CHPF2: variants seen among roughly 807,000 people sequenced by gnomAD.
CHPF2 encodes the protein chondroitin polymerizing factor 2, non-catalytic subunit.
A neutral mutation model predicts 63.0 loss-of-function variants in CHPF2; 58 were observed. That is an observed-to-expected ratio of 0.92 (90% CI 0.75 to 1.15). The LOEUF (loss-of-function observed/expected upper bound fraction) is 1.15. CHPF2 is among the 50% of genes most tolerant of loss of function. The pLI is 0.00. For missense variants in CHPF2, 1,045 were observed against 1,035.4 expected, an observed-to-expected ratio of 1.01 and a Z score of -0.13; for synonymous variants, 442 against 438.0, an observed-to-expected ratio of 1.01 and a Z score of -0.11.
Position 151,235,616 on chromosome 7 carries a change from A to G in CHPF2, c.828+4A>G. 2 of 1,599,858 alleles carry G rather than the reference A, an allele frequency of 1.3e-6. No individual in the cohort carries two copies. Among genetic ancestry groups the G allele is most frequent in the South Asian group, 2.2e-5 (2 of 90,544 alleles). On this transcript the variant is annotated splice_donor_region_variant and intron_variant, in intron 2 of 3. Transcript: ENST00000035307. ...CGGCTGTGTCTCACAGCACCAGGTGACAGCTCTTTCAAGTCAGTCCCAGTC... is the reference window on the plus strand; with the variant it reads ...CGGCTGTGTCTCACAGCACCAGGTGGCAGCTCTTTCAAGTCAGTCCCAGTC...
Position 151,238,122 on chromosome 7 carries a change from A to C in CHPF2, c.1760A>C (p.Asp587Ala). 1.9e-6 allele frequency: 3 copies of C among 1,612,296 alleles called. No individual in the cohort carries two copies. Among genetic ancestry groups the C allele is most frequent in the Non-Finnish European group, 2.5e-6 (3 of 1,179,992 alleles). ...GTGGTCTCGAAGAAGCACCCTGTGGACACTCTCTTCTTCCTTACCACCGTG... is the reference window on the plus strand; with the variant it reads ...GTGGTCTCGAAGAAGCACCCTGTGGCCACTCTCTTCTTCCTTACCACCGTG... Reference protein sequence around the residue: ...MDVVSKKHPVDTLFFLTTVWT... With the variant: ...MDVVSKKHPVATLFFLTTVWT... Residue 587 changes from aspartate to alanine, a missense_variant, in exon 4 of 4, where the codon GAC becomes GCC. Asp to Ala is a moderately radical substitution (Grantham distance 126). Transcript: ENST00000035307.
rs1802600503 is a variant in CHPF2, at chr7:151,235,236, A to T, written c.452A>T (p.His151Leu). Residue 151 changes from histidine (H) to leucine (L), a missense_variant, in exon 2 of 4, where the codon CAT (histidine) becomes CTT (leucine). By Grantham distance (99) the His-to-Leu change is moderately conservative (BLOSUM62 -3). Coordinates refer to ENST00000035307, the MANE Select transcript of CHPF2 (RefSeq NM_019015.3). ...CCAGCAGGGATGCAGGTGGTGTCTC[A>T]TGGGGATGAGCGGCCCGCCTGGCTC... ...RAPAGMQVVS[H>L]GDERPAWLMS... 1 of 1,612,778 alleles carries T rather than the reference A, an allele frequency of 6.2e-7. No homozygotes were observed. The highest frequency in any genetic ancestry group is 8.5e-7 in the Non-Finnish European group (1 of 1,179,140).
chr7:151,236,202 T>C (rs371287982), intron 2 of CHPF2, among the ~76,000 whole-genome samples: 1 of 152,122 alleles, frequency 6.6e-6, no homozygotes, highest in East Asian at 1.9e-4. Flanking sequence ...TAGCCGAGAG[T>C]GTCCTTAGTT....
Position 151,233,821 on chromosome 7 carries a change from G to T in CHPF2, c.-191G>T, listed in dbSNP as rs1584852665. 1.3e-5 allele frequency: 16 copies of T among 1,245,558 alleles called. No homozygotes were observed. Among genetic ancestry groups the T allele is most frequent in the East Asian group, 3.1e-5 (1 of 31,788 alleles). The allele number at this position is 1,245,558 out of a possible 1,614,324, so 77.2% of individuals were successfully genotyped here. A position where few individuals can be genotyped will look rare whatever the true frequency, so the allele number is the denominator to read the frequency against. ...TTCACAGTTGAAGAGCAGGCAGAAG[G>T]AGTTGTGAAGACAGGACAATCTTCT... On this transcript the variant is annotated 5_prime_UTR_variant, in exon 1 of 4. Coordinates refer to ENST00000035307, the MANE Select transcript of CHPF2 (RefSeq NM_019015.3).
Position 151,232,740 on chromosome 7 carries a change from T to C in CHPF2, c.-1272T>C. Reference sequence around the variant, plus strand: ...CCTCCCCGAGGGCCTTGGGCGTCCCTCCTGGTCCTGCGCTCGCGGCCTCGA... The same window carrying C: ...CCTCCCCGAGGGCCTTGGGCGTCCCCCCTGGTCCTGCGCTCGCGGCCTCGA... On this transcript the variant is annotated 5_prime_UTR_variant, in exon 1 of 4. Coordinates refer to ENST00000035307, the MANE Select transcript of CHPF2 (RefSeq NM_019015.3). 1 of 1,509,100 alleles carries C rather than the reference T, an allele frequency of 6.6e-7. No individual in the cohort carries two copies. Among genetic ancestry groups the C allele is most frequent in the Non-Finnish European group, 8.8e-7 (1 of 1,135,428 alleles). The allele number at this position is 1,509,100 out of a possible 1,614,324, so 93.5% of individuals were successfully genotyped here.
chr7:151,232,529 G>T lies in CHPF2; in HGVS notation c.-1483G>T. On this transcript the variant is annotated 5_prime_UTR_variant, in exon 1 of 4. Transcript: ENST00000035307. Reference sequence around the variant, plus strand: ...CTGTGAGGTGGCAGCGGCTGCAGCGGCGGAGCCGGCGCCTCAGCGGGCACT... The same window carrying T: ...CTGTGAGGTGGCAGCGGCTGCAGCGTCGGAGCCGGCGCCTCAGCGGGCACT... 2.0e-6 allele frequency: 1 copy of T among 505,204 alleles called. No individual in the cohort carries two copies. The highest frequency in any genetic ancestry group is 3.6e-5 in the East Asian group (1 of 27,830). The allele number at this position is 505,204 out of a possible 1,614,324, so 31.3% of individuals were successfully genotyped here. A position where few individuals can be genotyped will look rare whatever the true frequency, so the allele number is the denominator to read the frequency against.
rs202149219 is a variant in CHPF2 at position 151,238,340 on chromosome 7, A to G, written c.1978A>G (p.Ile660Val). 2,471 of 1,609,102 alleles carry G rather than the reference A, an allele frequency of 1.5e-3. 4 individuals carry two copies. The highest frequency in any genetic ancestry group is 2.0e-3 in the Non-Finnish European group (2,322 of 1,177,718). ...PGADPSRGAP[I>V]GGRFDRQASA... is the part of the protein sequence containing the mutation. ...TGCTGACCCCTCCCGGGGGGCTCCT[A>G]TAGGGGGGAGATTTGACCGGCAGGC... Residue 660 changes from isoleucine (I) to valine (V), a missense_variant, in exon 4 of 4, where the codon ATA becomes GTA. Ile to Val is a conservative substitution (Grantham distance 29). Coordinates refer to ENST00000035307, the MANE Select transcript of CHPF2 (RefSeq NM_019015.3).
rs1802548483 is a variant in CHPF2 at position 151,233,918 on chromosome 7, T to TAA, written c.-91_-90dup. ...CCTCATTGACCCCAGGTTCTCTGGT[T>TAA]AAAACTGAAAGCCTACTACTGGCCT... On this transcript the variant is annotated 5_prime_UTR_variant, in exon 1 of 4. Transcript: ENST00000035307. 2 of 1,395,346 alleles carry TAA rather than the reference T, an allele frequency of 1.4e-6. No individual in the cohort carries two copies. The highest frequency in any genetic ancestry group is 5.5e-5 in the Admixed American group (2 of 36,312). The allele number at this position is 1,395,346 out of a possible 1,614,324, so 86.4% of individuals were successfully genotyped here. A position where few individuals can be genotyped will look rare whatever the true frequency, so the allele number is the denominator to read the frequency against.
rs756814714 is a variant in CHPF2, at chr7:151,237,478, G to C, written c.1116G>C (p.Val372=). Residue 372 remains valine (V), a synonymous_variant, in exon 4 of 4, where the codon GTG becomes GTC. Coordinates refer to ENST00000035307, the MANE Select transcript of CHPF2 (RefSeq NM_019015.3). ...APFTPHSRFE[V]LGWDYFTEQH... ...TCACACCACACTCTCGCTTTGAGGT[G>C]CTGGGCTGGGACTACTTCACAGAGC... 1.9e-6 allele frequency: 3 copies of C among 1,614,002 alleles called. No homozygotes were observed. The Admixed American group carries it at 5.0e-5, about 27-fold the overall frequency.
Position 151,233,544 on chromosome 7 carries a change from G to T in CHPF2, c.-468G>T. 2.0e-6 allele frequency: 2 copies of T among 986,450 alleles called. No individual in the cohort carries two copies. Among genetic ancestry groups the T allele is most frequent in the Non-Finnish European group, 2.4e-6 (2 of 830,652 alleles). The allele number at this position is 986,450 out of a possible 1,614,324, so 61.1% of individuals were successfully genotyped here. The stretch of plus-strand genomic sequence containing the variant: ...TCTTCCGGAAAGGCCCACTGAGGCA[G>T]GCTCCGGCTCCTCTGGTTGGGGCTG... On this transcript the variant is annotated 5_prime_UTR_variant, in exon 1 of 4. The change creates a new upstream start codon in the 5' untranslated region. Coordinates refer to ENST00000035307, the MANE Select transcript of CHPF2 (RefSeq NM_019015.3).
Position 151,237,830 on chromosome 7 carries a change from C to T in CHPF2, c.1468C>T (p.Gln490Ter), listed in dbSNP as rs1382779142. 1.2e-6 allele frequency: 2 copies of T among 1,612,648 alleles called. No homozygotes were observed. Among genetic ancestry groups the T allele is most frequent in the East Asian group, 2.2e-5 (1 of 44,884 alleles). Reference protein sequence around the residue: ...MPYVTEATRVQLVLPLLVAEA... With the variant: ...MPYVTEATRV ...CTATGTCACTGAGGCCACCCGAGTG[C>T]AGCTGGTGCTGCCACTCCTGGTGGC... The change falls in exon 4 of 4, where the codon CAG becomes TAG. Residue 490 changes from glutamine to a stop codon, truncating the protein, a stop_gained. Transcript: ENST00000035307. LOFTEE classifies it high-confidence loss of function.
Position 151,235,595 on chromosome 7 carries a change from T to C in CHPF2, c.811T>C (p.Cys271Arg), listed in dbSNP as rs1802618150. 1.2e-6 allele frequency: 2 copies of C among 1,604,840 alleles called. No homozygotes were observed. Among genetic ancestry groups the C allele is most frequent in the Non-Finnish European group, 1.7e-6 (2 of 1,177,174 alleles). Residue 271 changes from cysteine to arginine, a missense_variant, in exon 2 of 4, where the codon TGT (cysteine) becomes CGT (arginine). By Grantham distance (180) the Cys-to-Arg change is radical (BLOSUM62 -3). Coordinates refer to ENST00000035307, the MANE Select transcript of CHPF2 (RefSeq NM_019015.3). The stretch of plus-strand genomic sequence containing the variant: ...CCTCATTGACTCTCTGGGCGTCGGC[T>C]GTGTCTCACAGCACCAGGTGACAGC... ...RCLIDSLGVG[C>R]VSQHQGQQYR...
intron 3 of CHPF2, chr7:151,236,847 C>CT: frequency 1.7e-6 from 1 of 597,236 alleles, no homozygotes; most frequent in Non-Finnish European, 3.1e-6. Context: ...CAAGTAGACT[C>CT]TGAGGATCAG....
rs963187078 is a variant in CHPF2 at position 151,233,106 on chromosome 7, T to C, written c.-906T>C. ...CATTGTCTCTAGTTGCTGCTTGTGC[T>C]CTCTCTTTGCTTTTGGTTTGCTTCA... On this transcript the variant is annotated 5_prime_UTR_variant, in exon 1 of 4. Coordinates refer to ENST00000035307, the MANE Select transcript of CHPF2 (RefSeq NM_019015.3). The C allele has an allele frequency of 8.4e-7, 1 of 1,190,736 alleles. No homozygotes were observed. 73.8% of individuals were successfully genotyped at this position (1,190,736 alleles called of 1,614,324 possible).
At position 151,238,412 on chromosome 7, in the gene CHPF2, G is replaced by A. The variant is rs760095229; in HGVS notation, c.2050G>A (p.Ala684Thr). The A allele has an allele frequency of 3.1e-6, 5 of 1,597,988 alleles. No homozygotes were observed. The African/African-American group carries it at 5.4e-5, about 17-fold the overall frequency. The change falls in exon 4 of 4, where the codon GCC (alanine) becomes ACC (threonine). Residue 684 changes from alanine to threonine, a missense_variant. Physicochemically the swap from Ala to Thr is moderately conservative, Grantham distance 58 (BLOSUM62 0). Transcript: ENST00000035307. Reference sequence around the variant, plus strand: ...CAACGCTGACTACCTGGCGGCCCGAGCCCGGCTGGCAGGTGAACTGGCAGG... The same window carrying A: ...CAACGCTGACTACCTGGCGGCCCGAACCCGGCTGGCAGGTGAACTGGCAGG... ...FYNADYLAAR[A>T]RLAGELAGQE...
rs373380598 is a variant in CHPF2, at chr7:151,237,948, A to G, written c.1586A>G (p.Tyr529Cys). ...EHALLTLLLV[Y>C]GPREGGRGAP... ...GCATTGCTCACCCTGTTGCTGGTCT[A>G]CGGGCCACGAGAAGGTGGCCGTGGA... Residue 529 changes from tyrosine to cysteine, a missense_variant, in exon 4 of 4, where the codon TAC becomes TGC. Physicochemically the swap from Tyr to Cys is radical, Grantham distance 194 (BLOSUM62 -2). Coordinates refer to ENST00000035307, the MANE Select transcript of CHPF2 (RefSeq NM_019015.3). 24 of 1,613,092 alleles carry G rather than the reference A, an allele frequency of 1.5e-5. No homozygotes were observed. Among genetic ancestry groups the G allele is most frequent in the Middle Eastern group, 1.6e-4 (1 of 6,062 alleles).
Position 151,234,133 on chromosome 7 carries a change from C to G in CHPF2, c.122C>G (p.Pro41Arg), listed in dbSNP as rs566334917. 43 of 1,613,008 alleles carry G rather than the reference C, an allele frequency of 2.7e-5. No individual in the cohort carries two copies. Among genetic ancestry groups the G allele is most frequent in the Non-Finnish European group, 3.5e-5 (41 of 1,179,506 alleles). ...TGGATCCAGGGGGAGGGAGAAGATC[C>G]CTGTGTCGAGGCTGTAGGGGAGCGA... The part of the protein sequence containing the change: ...VSWIQGEGED[P>R]CVEAVGERGG... The change falls in exon 1 of 4, where the codon CCC becomes CGC. Residue 41 changes from proline (P) to arginine (R), a missense_variant. Coordinates refer to ENST00000035307, the MANE Select transcript of CHPF2 (RefSeq NM_019015.3).
chr7:151,235,303 C>T lies in CHPF2; in HGVS notation c.519C>T (p.Ala173=), dbSNP rs139063090. The change falls in exon 2 of 4, where the codon GCC becomes GCT. Residue 173 remains alanine, a synonymous_variant. Transcript: ENST00000035307. ...GCCACCTTCACACACACTTTGGGGC[C>T]GACTACGACTGGTTCTTCATCATGC... ...TLRHLHTHFG[A]DYDWFFIMQD... 10 of 1,613,946 alleles carry T rather than the reference C, an allele frequency of 6.2e-6. No homozygotes were observed. The highest frequency in any genetic ancestry group is 4.4e-5 in the South Asian group (4 of 91,084).
chr7:151,238,349 A>G lies in CHPF2; in HGVS notation c.1987A>G (p.Arg663Gly), dbSNP rs774127061. The change falls in exon 4 of 4, where the codon AGA becomes GGA. Residue 663 changes from arginine (R) to glycine (G), a missense_variant. Arg to Gly is a moderately radical substitution (Grantham distance 125). Transcript: ENST00000035307. Reference sequence around the variant, plus strand: ...CTCCCGGGGGGCTCCTATAGGGGGGAGATTTGACCGGCAGGCTTCTGCGGA... The same window carrying G: ...CTCCCGGGGGGCTCCTATAGGGGGGGGATTTGACCGGCAGGCTTCTGCGGA... ...DPSRGAPIGG[R>G]FDRQASAEGC... 1.9e-5 allele frequency: 30 copies of G among 1,606,066 alleles called. No homozygotes were observed. The highest frequency in any genetic ancestry group is 2.5e-5 in the Non-Finnish European group (29 of 1,176,630).
Sources: gnomAD v4.1 joint callset for allele counts (sites outside exome capture counted in the v4.1 genomes callset) on GRCh38, gnomAD v4.1.1 for gene constraint, MANE v1.5 for transcripts, NCBI Gene and HGNC (gene_info 2026-07-23, HGNC 2026-07-21) for gene names.